RFPL1: variants seen among roughly 807,000 people sequenced by gnomAD.
The protein encoded by RFPL1 is ret finger protein like 1, also known as ret finger protein-like 1.
RFPL1 carries 6 observed loss-of-function variants against 9.6 expected under a neutral mutation model. That is an observed-to-expected ratio of 0.62 (90% CI 0.34 to 1.23). RFPL1 has a LOEUF of 1.23. Among genes scored for constraint, RFPL1 ranks in the 50% most tolerant of loss-of-function variants. The pLI is 0.03. For synonymous variants in RFPL1, 145 were observed against 149.4 expected, an observed-to-expected ratio of 0.97 and a Z score of 0.22; for missense variants, 352 against 398.4, an observed-to-expected ratio of 0.88 and a Z score of 0.99.
chr22:29,419,117 G>T, the RFPL1 span: 2 of 1,494,060 alleles, frequency 1.3e-6, no homozygotes, highest in East Asian at 2.3e-5. Context: ...TCCCCTGTCA[G>T]CCAGCTTCCA....
chr22:29,409,257 C>A, the RFPL1 span, among the ~76,000 whole-genome samples: 1 of 152,148 alleles, frequency 6.6e-6, no homozygotes, highest in Non-Finnish European at 1.5e-5. Context: ...TTCCCATCTC[C>A]CATGCCCCTG....
upstream of RFPL1, among the ~76,000 whole-genome samples, chr22:29,433,754 AC>A (rs1254279502): frequency 1.3e-5 from 2 of 152,066 alleles, no homozygotes; most frequent in African/African-American, 4.8e-5. Flanking sequence ...TTTAAGTCAT[AC>A]CCTAGACCTG....
chr22:29,398,922 AG>A, the RFPL1 span, among the ~76,000 whole-genome samples: 1 of 152,204 alleles, frequency 6.6e-6, no homozygotes, highest in East Asian at 1.9e-4. Flanking sequence ...CAAAGATAGC[AG>A]GGATGGGCCA....
chr22:29,435,747 G>A (rs527504066), upstream of RFPL1, among the ~76,000 whole-genome samples: 9 of 152,106 alleles, frequency 5.9e-5, no homozygotes, highest in African/African-American at 2.2e-4. Context: ...TTTAATATGT[G>A]ATACATTTTA....
At chr22:29,430,978 C>G in the RFPL1 span, among the ~76,000 whole-genome samples, 2 of 152,096 alleles carry the variant, frequency 1.3e-5, no homozygotes, top group Non-Finnish European at 2.9e-5. Context: ...TTGGGGTAAC[C>G]AGTTTACAAC....
the RFPL1 span, among the ~76,000 whole-genome samples, chr22:29,394,326 TTTG>T: frequency 1.4e-5 from 2 of 142,030 alleles, no homozygotes; most frequent in African/African-American, 5.5e-5. Context: ...GCTAATTTTG[TTTG>T]TTGTTGTTTT....
At chr22:29,428,919 T>C in the RFPL1 span, among the ~76,000 whole-genome samples, 522 of 152,112 alleles carry the variant, frequency 3.4e-3, no homozygotes, top group Non-Finnish European at 4.6e-3. Flanking sequence ...AAGCTAACAA[T>C]GTACCTCATA....
the RFPL1 span, among the ~76,000 whole-genome samples, chr22:29,431,300 G>A: frequency 1.3e-4 from 20 of 152,190 alleles, no homozygotes; most frequent in Non-Finnish European, 2.5e-4. Context: ...TCAATGCCAG[G>A]CACAGTGTGT....
At chr22:29,389,951 AC>A in the RFPL1 span, among the ~76,000 whole-genome samples, 5 of 151,932 alleles carry the variant, frequency 3.3e-5, no homozygotes, top group African/African-American at 1.2e-4. Context: ...AGCATGCACC[AC>A]CGTGCCCAGC....
the RFPL1 span, among the ~76,000 whole-genome samples, chr22:29,418,496 C>CTTTT: frequency 8.6e-4 from 107 of 124,444 alleles, no homozygotes; most frequent in Non-Finnish European, 1.2e-3. Flanking sequence ...TCTTCGTCTT[C>CTTTT]TTTTTTTTTT....
At chr22:29,427,185 G>T in the RFPL1 span, among the ~76,000 whole-genome samples, 3 of 152,282 alleles carry the variant, frequency 2.0e-5, no homozygotes, top group African/African-American at 7.2e-5. Flanking sequence ...AAACACTGAG[G>T]GGGGGCCTGA....
At chr22:29,391,971 TGA>T in the RFPL1 span, among the ~76,000 whole-genome samples, 11 of 152,168 alleles carry the variant, frequency 7.2e-5, no homozygotes, top group Non-Finnish European at 1.6e-4. Context: ...ACTGATGCTG[TGA>T]GAGGGGACAT....
At chr22:29,420,684 G>A in the RFPL1 span, among the ~76,000 whole-genome samples, 20 of 132,172 alleles carry the variant, frequency 1.5e-4, no homozygotes, top group Admixed American at 9.5e-4. Context: ...TCTGTCTCCC[G>A]GGCTGGAGTG....
chr22:29,439,315 C>T, intron 1 of RFPL1, 151 bp downstream of exon 1: 1 of 1,164,756 alleles, frequency 8.6e-7, no homozygotes, highest in Non-Finnish European at 1.2e-6. Context: ...GCCCTGACAA[C>T]ATACAGAATC....
At chr22:29,422,825 ACT>A in the RFPL1 span, among the ~76,000 whole-genome samples, 112 of 113,990 alleles carry the variant, frequency 9.8e-4, no homozygotes, top group African/African-American at 3.9e-3. Flanking sequence ...ACACACACAC[ACT>A]CTCTCTCTGC....
At chr22:29,421,394 G>T in the RFPL1 span, among the ~76,000 whole-genome samples, 1 of 151,738 alleles carries the variant, frequency 6.6e-6, no homozygotes, top group African/African-American at 2.4e-5. Flanking sequence ...TCTTCCCATT[G>T]CACTCCAGCC....
At chr22:29,421,793 C>T in the RFPL1 span, among the ~76,000 whole-genome samples, 2 of 151,652 alleles carry the variant, frequency 1.3e-5, no homozygotes, top group East Asian at 3.9e-4. Flanking sequence ...CTCCCACAGT[C>T]CCCCCTGGAC....
chr22:29,400,768 G>C, the RFPL1 span, among the ~76,000 whole-genome samples: 1 of 152,186 alleles, frequency 6.6e-6, no homozygotes, highest in Non-Finnish European at 1.5e-5. Flanking sequence ...CTGACGCTCA[G>C]CTTACTCACA....
At chr22:29,416,614 T>C in the RFPL1 span, among the ~76,000 whole-genome samples, 1 of 152,196 alleles carries the variant, frequency 6.6e-6, no homozygotes, top group South Asian at 2.1e-4. Flanking sequence ...TTTGGGCTGC[T>C]GGTTCTGGAG....
Sources: allele counts gnomAD v4.1 joint callset (sites outside exome capture counted in the v4.1 genomes callset), GRCh38; gene constraint gnomAD v4.1.1; transcripts MANE v1.5; gene names NCBI Gene and HGNC (gene_info 2026-07-23, HGNC 2026-07-21).